Variants in PLB1 observed in about 807,000 individuals in gnomAD.
PLB1 encodes the protein phospholipase B1, membrane-associated.
A neutral mutation model predicts 227.4 loss-of-function variants in PLB1; 242 were observed. That is an observed-to-expected ratio of 1.06 (90% CI 0.96 to 1.18). PLB1 has a LOEUF of 1.18. Among genes scored for constraint, PLB1 ranks in the 50% most tolerant of loss-of-function variants. PLB1 has a pLI of 0.00. For synonymous variants in PLB1, 757 were observed against 682.2 expected (o/e 1.11, Z -1.71); for missense variants, 1,858 against 1,816.3 (o/e 1.02, Z -0.42).
chr2:28,626,402 A>C, intron 50 of PLB1, 26 bp from the exon 51 acceptor site: 442 of 1,605,630 alleles, frequency 2.8e-4, no homozygotes, highest in Non-Finnish European at 3.4e-4. Flanking sequence ...ACCAAGGCCT[A>C]AACTCAGGAT....
chr2:28,508,723 G>T (rs1053421737), intron 1 of PLB1, among the ~76,000 whole-genome samples: 11 of 152,226 alleles, frequency 7.2e-5, no homozygotes, highest in African/African-American at 2.7e-4. Context: ...TTAGTGGAGA[G>T]CAGTGTGGTC....
At chr2:28,620,194 G>A (rs992580153) in intron 46 of PLB1, 71 bp from the exon 47 acceptor site, 7 of 1,087,324 alleles carry the variant, frequency 6.4e-6, no homozygotes, top group Middle Eastern at 2.2e-4. Flanking sequence ...TGCTACCCCA[G>A]GGCCAGAGGA....
At chr2:28,510,840 C>T (rs1668167968) in intron 1 of PLB1, among the ~76,000 whole-genome samples, 1 of 149,772 alleles carries the variant, frequency 6.7e-6, no homozygotes, top group Admixed American at 6.6e-5. Context: ...GTTGCTTAGG[C>T]TGGTCTTGAA....
intron 55 of PLB1, 102 bp downstream of exon 55, chr2:28,632,242 T>C: frequency 1.1e-6 from 1 of 933,956 alleles, no homozygotes; most frequent in East Asian, 2.6e-5. Context: ...TTTAACCATC[T>C]CTCTCCAAGA....
At chr2:28,516,309 C>T (rs952300389) in intron 1 of PLB1, among the ~76,000 whole-genome samples, 2 of 152,206 alleles carry the variant, frequency 1.3e-5, no homozygotes, top group Admixed American at 6.5e-5. Flanking sequence ...CAAGACCCCT[C>T]GATACAGCCC....
chr2:28,580,685 G>A (rs1487980425), intron 23 of PLB1, among the ~76,000 whole-genome samples: 1 of 151,360 alleles, frequency 6.6e-6, no homozygotes, highest in Non-Finnish European at 1.5e-5. Context: ...CTGCACTCCA[G>A]CCTGGGTGAC....
At chr2:28,551,126 C>G (rs535418199) in intron 16 of PLB1, among the ~76,000 whole-genome samples, 1 of 152,236 alleles carries the variant, frequency 6.6e-6, no homozygotes, top group South Asian at 2.1e-4. Flanking sequence ...AAATCTCTGA[C>G]AAATTCTTCT....
chr2:28,604,749 C>G lies in PLB1; in HGVS notation c.2951C>G (p.Pro984Arg), dbSNP rs1285915459. 6.2e-7 allele frequency: 1 copy of G among 1,614,032 alleles called. No homozygotes were observed. ...LQPFFQNIQL[P>R]VLADGLPDTS... ...CCCTTCTTCCAGAACATCCAGCTCC[C>G]TGTCCTGGCGGTATGTCCCCTGCCC... Residue 984 changes from proline to arginine, a missense_variant, in exon 41 of 58, where the codon CCT becomes CGT. By Grantham distance (103) the Pro-to-Arg change is moderately radical. Coordinates refer to ENST00000327757, the MANE Select transcript of PLB1 (RefSeq NM_153021.5).
chr2:28,625,314 G>T (rs1044523275), intron 50 of PLB1, among the ~76,000 whole-genome samples: 7 of 152,204 alleles, frequency 4.6e-5, no homozygotes, highest in African/African-American at 1.7e-4. Flanking sequence ...CCCCAGGGCC[G>T]GCTGCGGGAG....
chr2:28,581,983 A>C, intron 23 of PLB1, 85 bp from the exon 24 acceptor site: 1 of 1,308,486 alleles, frequency 7.6e-7, no homozygotes, highest in Non-Finnish European at 1.1e-6. Flanking sequence ...AAAAAAAAGA[A>C]GGGGACCCAA....
At position 28,519,719 on chromosome 2, in the gene PLB1, C is replaced by T. The variant is rs759135991; in HGVS notation, c.199C>T (p.Pro67Ser). The change falls in exon 4 of 58, where the codon CCT becomes TCT. Residue 67 changes from proline (P) to serine (S), a missense_variant. By Grantham distance (74) the Pro-to-Ser change is moderately conservative. Transcript: ENST00000327757. The stretch of plus-strand genomic sequence containing the variant: ...TGTCTCCACAGTTCACTCTCTGAAG[C>T]CTTCTGATATTAAATTTGTGGCAGC... ...MPSKSVHSLK[P>S]SDIKFVAAIG... 1 of 1,610,898 alleles carries T rather than the reference C, an allele frequency of 6.2e-7. No individual in the cohort carries two copies. The highest frequency in any genetic ancestry group is 2.2e-5 in the East Asian group (1 of 44,816).
intron 32 of PLB1, 60 bp from the exon 33 acceptor site, chr2:28,593,621 C>A: frequency 6.8e-7 from 1 of 1,467,434 alleles, no homozygotes; most frequent in Non-Finnish European, 9.5e-7. Flanking sequence ...CCTGTGCATT[C>A]ACAGCCTCCC....
intron 1 of PLB1, 128 bp downstream of exon 1, chr2:28,496,297 A>G: frequency 1.1e-6 from 1 of 941,358 alleles, no homozygotes; most frequent in Non-Finnish European, 1.6e-6. Flanking sequence ...CGTACAGTTC[A>G]AGAATAAGAA....
chr2:28,643,751 A>C lies in PLB1; in HGVS notation c.*690A>C, dbSNP rs1469391578. ...TGGGGGAGAGCAACCTTCACATGTC[A>C]TTTTGGGAAAAGGAATAAAAAATGA... On this transcript the variant is annotated 3_prime_UTR_variant, in exon 58 of 58. Transcript: ENST00000327757. The C allele has an allele frequency of 2.6e-5, 4 of 152,260 alleles. No individual in the cohort carries two copies. Among genetic ancestry groups the C allele is most frequent in the Non-Finnish European group, 5.9e-5 (4 of 68,040 alleles). 9.4% of individuals were successfully genotyped at this position (152,260 alleles called of 1,614,324 possible).
intron 21 of PLB1, among the ~76,000 whole-genome samples, chr2:28,577,732 T>G (rs1303828134): frequency 6.6e-6 from 1 of 152,126 alleles, no homozygotes; most frequent in East Asian, 1.9e-4. Flanking sequence ...TCTCAGCTAC[T>G]TGGGAGGCTG....
chr2:28,623,839 C>T lies in PLB1; in HGVS notation c.3528-1218C>T, dbSNP rs534514966. 4.2e-4 allele frequency among the ~76,000 whole-genome samples: 64 copies of T among 152,224 alleles called. 1 individual carries two copies. Among genetic ancestry groups the T allele is most frequent in the Non-Finnish European group, 1.3e-4 (9 of 68,030 alleles). ...TAATTTGGCTGGGTGCGGTGGCTCA[C>T]GCCTCTAATCCCAGCACTTTGGGAG... On this transcript the variant is annotated intron_variant, in intron 49 of 57. Transcript: ENST00000327757.
At chr2:28,549,917 G>GT in intron 15 of PLB1, 93 bp from the exon 16 acceptor site, 3 of 1,055,898 alleles carry the variant, frequency 2.8e-6, no homozygotes. Context: ...AATGTTCCTA[G>GT]TTGGCCAAAA....
At chr2:28,535,778 GGGTGT>G (rs1671601991) in intron 9 of PLB1, among the ~76,000 whole-genome samples, 1 of 152,108 alleles carries the variant, frequency 6.6e-6, no homozygotes, top group Non-Finnish European at 1.5e-5. Context: ...AAAATTAGCT[GGGTGT>G]GGTGGTGCAT....
intron 21 of PLB1, among the ~76,000 whole-genome samples, chr2:28,577,023 C>G (rs1414539852): frequency 6.6e-6 from 1 of 152,200 alleles, no homozygotes; most frequent in African/African-American, 2.4e-5. Context: ...AGAAATAATT[C>G]AGTGGTTGCA....
Sources: gnomAD v4.1 joint callset for allele counts (sites outside exome capture counted in the v4.1 genomes callset) on GRCh38, gnomAD v4.1.1 for gene constraint, MANE v1.5 for transcripts, NCBI Gene and HGNC (gene_info 2026-07-23, HGNC 2026-07-21) for gene names.